The following LYPD6B variants were observed in gnomAD, a reference collection of about 807,000 sequenced individuals.
LYPD6B encodes LY6/PLAUR domain containing 6B, also known as ly6/PLAUR domain-containing protein 6B.
In LYPD6B, 17 loss-of-function variants were observed where a neutral mutation model predicts 22.8. The observed-to-expected ratio is 0.75, with a 90% CI of 0.51 to 1.12. The LOEUF (loss-of-function observed/expected upper bound fraction) is 1.12. Ranked by LOEUF, LYPD6B falls within the 50% of genes most tolerant of loss-of-function variation. LYPD6B has a pLI of 0.00. For missense variants in LYPD6B, 221 were observed against 258.3 expected (o/e 0.86, Z 0.99); for synonymous variants, 106 against 91.6 (o/e 1.16, Z -0.90).
chr2:149,187,317 G>A (rs1354902406), intron 3 of LYPD6B: 1 of 1,113,084 alleles, frequency 9.0e-7, no homozygotes, highest in African/African-American at 1.6e-5. Context: ...ACTAAATGAA[G>A]TGTATTGCAT....
intron 5 of LYPD6B, among the ~76,000 whole-genome samples, chr2:149,211,326 G>T (rs1411170594): frequency 6.6e-6 from 1 of 152,134 alleles, no homozygotes; most frequent in Non-Finnish European, 1.5e-5. Context: ...GTATACTGAG[G>T]AGTAGAATAA....
In LYPD6B at chr2:149,163,040, G is replaced by T. The variant is rs148518810; in HGVS notation, c.77+2205G>T. On this transcript the variant is annotated intron_variant, in intron 3 of 6. Transcript: ENST00000409642. ...TTAAATACCTTGCATCTTGAGAGGG[G>T]TCTCTGTGGGGGGTGGGGCAGGAGT... Among the ~76,000 whole-genome samples, 225 of 152,214 alleles carry T rather than the reference G, an allele frequency of 1.5e-3. 1 individual carries two copies. Among genetic ancestry groups the T allele is most frequent in the African/African-American group, 5.2e-3 (218 of 41,546 alleles).
chr2:149,159,258 A>G (rs553699968), intron 2 of LYPD6B, among the ~76,000 whole-genome samples: 127 of 152,168 alleles, frequency 8.3e-4, no homozygotes, highest in South Asian at 1.7e-3. Flanking sequence ...CCTTGGAAGA[A>G]ATTTCTCAAT....
At chr2:149,060,698 C>T (rs776202656) in intron 1 of LYPD6B, among the ~76,000 whole-genome samples, 2 of 152,078 alleles carry the variant, frequency 1.3e-5, no homozygotes, top group South Asian at 2.1e-4. Context: ...AACTTGCAAT[C>T]CTCTTAAGGT....
At chr2:149,115,385 G>A (rs750356993) in intron 1 of LYPD6B, among the ~76,000 whole-genome samples, 12 of 152,186 alleles carry the variant, frequency 7.9e-5, no homozygotes, top group Non-Finnish European at 1.6e-4. Flanking sequence ...ATAATTAGAT[G>A]TCAGATCCTT....
At chr2:149,156,627 C>T (rs1408030130) in intron 2 of LYPD6B, among the ~76,000 whole-genome samples, 2 of 152,058 alleles carry the variant, frequency 1.3e-5, no homozygotes, top group East Asian at 1.9e-4. Flanking sequence ...GTACGTGTCC[C>T]GATTTCTTCT....
intron 3 of LYPD6B, among the ~76,000 whole-genome samples, chr2:149,175,871 A>G (rs1691264142): frequency 6.6e-6 from 1 of 151,996 alleles, no homozygotes; most frequent in Non-Finnish European, 1.5e-5. Context: ...GGGCAATAAC[A>G]TGCATGGAGC....
At chr2:149,143,783 C>G (rs1362524999) in intron 2 of LYPD6B, 1 of 152,162 alleles carries the variant, frequency 6.6e-6, no homozygotes, top group Non-Finnish European at 1.5e-5. Context: ...GGCATCATCC[C>G]CACTTTTAAT....
chr2:149,111,263 T>A (rs767089083), intron 1 of LYPD6B, among the ~76,000 whole-genome samples: 3 of 152,182 alleles, frequency 2.0e-5, no homozygotes, highest in Non-Finnish European at 4.4e-5. Flanking sequence ...AGTAATGGCA[T>A]GACCTGACTT....
chr2:149,197,981 A>G (rs1000694022), intron 3 of LYPD6B, among the ~76,000 whole-genome samples: 2 of 152,124 alleles, frequency 1.3e-5, no homozygotes, highest in Admixed American at 1.3e-4. Context: ...ATGGCAAACC[A>G]ATCTTGATTC....
At chr2:149,065,602 C>A (rs1439447639) in intron 1 of LYPD6B, among the ~76,000 whole-genome samples, 1 of 152,218 alleles carries the variant, frequency 6.6e-6, no homozygotes, top group Non-Finnish European at 1.5e-5. Flanking sequence ...TCAAAGTGAG[C>A]CTGGTTGATT....
At chr2:149,189,912 G>T (rs1482269515) in intron 3 of LYPD6B, among the ~76,000 whole-genome samples, 1 of 152,048 alleles carries the variant, frequency 6.6e-6, no homozygotes, top group African/African-American at 2.4e-5. Context: ...TCAAGTCATT[G>T]GTCCATTAGA....
At chr2:149,140,597 T>C (rs1177539255) in intron 2 of LYPD6B, among the ~76,000 whole-genome samples, 1 of 152,228 alleles carries the variant, frequency 6.6e-6, no homozygotes, top group Non-Finnish European at 1.5e-5. Flanking sequence ...TCCCACACTC[T>C]TAGATTCAAA....
At chr2:149,133,179 C>A (rs1688138937) in intron 2 of LYPD6B, among the ~76,000 whole-genome samples, 1 of 152,100 alleles carries the variant, frequency 6.6e-6, no homozygotes, top group Admixed American at 6.6e-5. Context: ...GAAACTGGGC[C>A]TCTGTAGTCA....
At chr2:149,157,075 T>C (rs568987094) in intron 2 of LYPD6B, among the ~76,000 whole-genome samples, 44 of 152,252 alleles carry the variant, frequency 2.9e-4, no homozygotes, top group African/African-American at 1.1e-3. Context: ...TGTCCTGAGA[T>C]GGGGTAAGTA....
At chr2:149,145,923 T>C (rs953252305) in intron 2 of LYPD6B, among the ~76,000 whole-genome samples, 128 of 152,072 alleles carry the variant, frequency 8.4e-4, no homozygotes, top group Non-Finnish European at 3.4e-4. Context: ...CAGGCAACAG[T>C]TGGGAGAAAG....
At chr2:149,044,992 G>T (rs890299923) in intron 1 of LYPD6B, among the ~76,000 whole-genome samples, 5 of 151,978 alleles carry the variant, frequency 3.3e-5, no homozygotes, top group African/African-American at 1.2e-4. Context: ...GGACTAGGTA[G>T]ATTGGTATTA....
intron 2 of LYPD6B, chr2:149,160,402 A>G (rs1368854600): frequency 1.3e-5 from 6 of 462,362 alleles, no homozygotes; most frequent in South Asian, 7.7e-5. Flanking sequence ...CCTGCCAAAT[A>G]CCCTGATATA....
chr2:149,121,494 C>T (rs1687354881), intron 1 of LYPD6B, among the ~76,000 whole-genome samples: 1 of 152,066 alleles, frequency 6.6e-6, no homozygotes, highest in Admixed American at 6.6e-5. Flanking sequence ...CAGAATTCAC[C>T]CCATTGGTTC....
Sources: gnomAD v4.1 joint callset for allele counts (sites outside exome capture counted in the v4.1 genomes callset) on GRCh38, gnomAD v4.1.1 for gene constraint, MANE v1.5 for transcripts, NCBI Gene and HGNC (gene_info 2026-07-23, HGNC 2026-07-21) for gene names.